The following MVB12A variants were observed in gnomAD, a reference collection of about 807,000 sequenced individuals.
MVB12A encodes multivesicular body subunit 12A.
A neutral mutation model predicts 34.3 loss-of-function variants in MVB12A; 30 were observed. The ratio of observed to expected loss-of-function variants is 0.88; its 90% CI spans 0.65 to 1.19. The LOEUF (loss-of-function observed/expected upper bound fraction) is 1.19. MVB12A is among the 50% of genes most tolerant of loss of function. The pLI is 0.00. For synonymous variants in MVB12A, 158 were observed against 158.9 expected (o/e 0.99, Z 0.04); for missense variants, 355 against 369.2 (o/e 0.96, Z 0.31).
chr19:17,417,466 C>T (rs763892326), upstream of MVB12A: 7 of 151,792 alleles, frequency 4.6e-5, no homozygotes, highest in South Asian at 4.1e-4. Flanking sequence ...ATTAGCCAGA[C>T]GTGGTGGTAC....
intron 2 of MVB12A, among the ~76,000 whole-genome samples, chr19:17,407,532 G>A (rs536833609): frequency 3.3e-5 from 5 of 152,324 alleles, no homozygotes; most frequent in East Asian, 3.9e-4. Context: ...CCTGGCAGCC[G>A]AGGCAGAGAG....
intron 3 of MVB12A, chr19:17,421,158 C>A (rs1242435487): frequency 4.7e-6 from 2 of 428,168 alleles, no homozygotes; most frequent in Non-Finnish European, 9.2e-6. Context: ...AGGCTATATT[C>A]ATTCATACTA....
At chr19:17,416,889 T>C (rs113526588), upstream of MVB12A, 11,227 of 169,568 alleles carry the variant, frequency 0.066, 857 homozygotes, top group African/African-American at 0.2. Flanking sequence ...TTAGTAGAGA[T>C]GGGGTTTCAC....
At chr19:17,421,331 T>C (rs1462529011) in intron 3 of MVB12A, among the ~76,000 whole-genome samples, 1 of 151,940 alleles carries the variant, frequency 6.6e-6, no homozygotes, top group Non-Finnish European at 1.5e-5. Flanking sequence ...ATTACAGGCA[T>C]GCGCCACCAC....
intron 3 of MVB12A, 115 bp from the exon 4 acceptor site, chr19:17,422,217 T>C: frequency 1.1e-6 from 1 of 893,468 alleles, no homozygotes; most frequent in South Asian, 1.8e-5. Context: ...ATCCCCAATG[T>C]TGTCCATGTG....
In MVB12A at chr19:17,424,971, G is replaced by T. The variant is rs368179850; in HGVS notation, c.800G>T (p.Arg267Leu). 3.1e-6 allele frequency: 5 copies of T among 1,609,238 alleles called. No individual in the cohort carries two copies. The South Asian group carries it at 4.4e-5, about 14-fold the overall frequency. The change falls in exon 9 of 9, where the codon CGC (arginine) becomes CTC (leucine). Residue 267 changes from arginine to leucine, a missense_variant. Physicochemically the swap from Arg to Leu is moderately radical, Grantham distance 102 (BLOSUM62 -2). Coordinates refer to ENST00000317040, the MANE Select transcript of MVB12A (RefSeq NM_138401.4). Reference protein sequence around the residue: ...GFVVEKTAAARLPPSVS With the variant: ...GFVVEKTAAALLPPSVS ...GTGGTGGAGAAGACCGCGGCTGCCCGCCTGCCCCCCAGCGTCTCATAGTCC... is the reference window on the plus strand; with the variant it reads ...GTGGTGGAGAAGACCGCGGCTGCCCTCCTGCCCCCCAGCGTCTCATAGTCC...
At chr19:17,416,412 CTTTTTT>C (rs555309319), upstream of MVB12A, among the ~76,000 whole-genome samples, 197 of 129,550 alleles carry the variant, frequency 1.5e-3, 2 homozygotes, top group Non-Finnish European at 2.3e-4. Context: ...GCCCAGCCTG[CTTTTTT>C]TTTTTTTTTT....
In MVB12A at chr19:17,424,624, T is replaced by G; in HGVS notation, c.706T>G (p.Phe236Val). The G allele has an allele frequency of 3.7e-6, 6 of 1,612,384 alleles. No individual in the cohort carries two copies. The highest frequency in any genetic ancestry group is 5.1e-6 in the Non-Finnish European group (6 of 1,179,400). ...CTGACCCACCTCTGCCCGCCAGGCC[T>G]TCTCTGCTTTTGGGGACCTGACCAT... The part of the protein sequence containing the change: ...FEGKSCSPLA[F>V]SAFGDLTIKS... Residue 236 changes from phenylalanine to valine, a missense_variant, in exon 8 of 9, where the codon TTC becomes GTC. Coordinates refer to ENST00000317040, the MANE Select transcript of MVB12A (RefSeq NM_138401.4).
At chr19:17,417,010 C>T (rs2074804455), upstream of MVB12A, 3 of 330,114 alleles carry the variant, frequency 9.1e-6, no homozygotes, top group South Asian at 7.4e-5. Context: ...TTTTTCTCAT[C>T]CATTGTCCTC....
Position 17,423,654 on chromosome 19 carries a change from T to C in MVB12A, c.533+37T>C, listed in dbSNP as rs372995198. 9 of 1,613,310 alleles carry C rather than the reference T, an allele frequency of 5.6e-6. No homozygotes were observed. In the African/African-American group the frequency reaches 8.0e-5, roughly 14 times the overall value. ...GGCACCGGAGTGGGGGTGGCCGTTG[T>C]GGGAGGATGAGGCTTAACCTGAGTC... On this transcript the variant is annotated intron_variant, in intron 5 of 8. Transcript: ENST00000317040.
At chr19:17,417,535 G>C (rs181405385), upstream of MVB12A, 2 of 152,090 alleles carry the variant, frequency 1.3e-5, no homozygotes, top group Non-Finnish European at 2.9e-5. Context: ...GAACCTGGGA[G>C]GCGGGGCTTG....
At position 17,411,546 on chromosome 19, in the gene MVB12A, T is replaced by G. The variant is rs147019466; in HGVS notation, c.-5+5250T>G. On this transcript the variant is annotated intron_variant, in intron 2 of 6. Transcript: ENST00000528604. ...AATTTTTTTACTTTTTTTGTAGAGA[T>G]GGGGTCTCACTATGTTGACCAGGCT... is the stretch of plus-strand genomic sequence containing the variant. 1.1e-4 allele frequency among the ~76,000 whole-genome samples: 17 copies of G among 151,804 alleles called. No homozygotes were observed. In the East Asian group the frequency reaches 3.3e-3, roughly 29 times the overall value.
intron 4 of MVB12A, 117 bp downstream of exon 4, chr19:17,422,575 C>A: frequency 9.9e-7 from 1 of 1,006,454 alleles, no homozygotes; most frequent in Non-Finnish European, 1.4e-6. Flanking sequence ...CCTTCTGAGC[C>A]TCAGATTCTG....
chr19:17,422,535 C>A, intron 4 of MVB12A, 77 bp downstream of exon 4: 1 of 1,434,576 alleles, frequency 7.0e-7, no homozygotes, highest in Non-Finnish European at 9.5e-7. Context: ...CCCTCAAGGA[C>A]ACCCCTGAGG....
rs1020141135 is a variant in MVB12A, at chr19:17,423,763, T to A, written c.604T>A (p.Ser202Thr). ...SRASTLRRND[S>T]IYEASSLYGI... Reference sequence around the variant, plus strand: ...GGCATCCACTCTGCGGAGGAATGACTCCATCTACGAGGCCTCCAGCCTCTA... The same window carrying A: ...GGCATCCACTCTGCGGAGGAATGACACCATCTACGAGGCCTCCAGCCTCTA... Residue 202 changes from serine (S) to threonine (T), a missense_variant, in exon 6 of 9, where the codon TCC (serine) becomes ACC (threonine). Physicochemically the swap from Ser to Thr is moderately conservative, Grantham distance 58. Transcript: ENST00000317040. The A allele has an allele frequency of 6.2e-7, 1 of 1,613,846 alleles. No individual in the cohort carries two copies. Among genetic ancestry groups the A allele is most frequent in the Non-Finnish European group, 8.5e-7 (1 of 1,179,938 alleles).
rs376557331 is a variant in MVB12A, at chr19:17,425,016, A to T, written c.*23A>T. 23 of 1,533,566 alleles carry T rather than the reference A, an allele frequency of 1.5e-5. No individual in the cohort carries two copies. The African/African-American group carries it at 3.2e-4, about 21-fold the overall frequency. 95.0% of individuals were successfully genotyped at this position (1,533,566 alleles called of 1,614,324 possible). On this transcript the variant is annotated 3_prime_UTR_variant, in exon 9 of 9. Coordinates refer to ENST00000317040, the MANE Select transcript of MVB12A (RefSeq NM_138401.4). ...TAGTCCCTCACCCTTCCGCGGAAAG[A>T]GCCCCCTTACTCCACCTCCCCGCCA... is the stretch of plus-strand genomic sequence containing the variant.
rs542135325 is a variant in MVB12A, at chr19:17,423,385, C to T, written c.414-113C>T. ...CAAAAAAAAAAAAAAAAAAAATTCCCCCAAAAGACAGAGGTCACCTGCATG... is the reference window on the plus strand; with the variant it reads ...CAAAAAAAAAAAAAAAAAAAATTCCTCCAAAAGACAGAGGTCACCTGCATG... On this transcript the variant is annotated intron_variant, in intron 4 of 8. Coordinates refer to ENST00000317040, the MANE Select transcript of MVB12A (RefSeq NM_138401.4). 8.0e-5 allele frequency: 109 copies of T among 1,360,862 alleles called. No individual in the cohort carries two copies. The South Asian group carries it at 1.2e-3, about 15-fold the overall frequency. The allele number at this position is 1,360,862 out of a possible 1,614,324, so 84.3% of individuals were successfully genotyped here. A position where few individuals can be genotyped will look rare whatever the true frequency, so the allele number is the denominator to read the frequency against.
At chr19:17,424,875 CT>C (rs1392833958) in intron 8 of MVB12A, 55 bp from the exon 9 acceptor site, 3 of 1,382,446 alleles carry the variant, frequency 2.2e-6, no homozygotes, top group Non-Finnish European at 3.0e-6. Flanking sequence ...GTCACTCCCC[CT>C]TTGGCCCTCT....
chr19:17,418,706 T>C (rs992549786), upstream of MVB12A: 30 of 152,026 alleles, frequency 2.0e-4, no homozygotes, highest in African/African-American at 7.2e-4. Flanking sequence ...CATATTATTA[T>C]AGTAAATACT....
Sources: gnomAD v4.1 joint callset for allele counts (sites outside exome capture counted in the v4.1 genomes callset) on GRCh38, gnomAD v4.1.1 for gene constraint, MANE v1.5 for transcripts, NCBI Gene and HGNC (gene_info 2026-07-23, HGNC 2026-07-21) for gene names.